CDH18: variants seen among roughly 807,000 people sequenced by gnomAD.
CDH18 encodes the protein cadherin-18.
In CDH18, 31 loss-of-function variants were observed where a neutral mutation model predicts 67.9. The observed-to-expected ratio is 0.46, with a 90% CI of 0.34 to 0.62. The LOEUF (loss-of-function observed/expected upper bound fraction) is 0.62, where lower values mean the gene tolerates loss of function less well. Among genes scored for constraint, CDH18 ranks in the 20% least tolerant of loss-of-function variants. The probability of loss-of-function intolerance (pLI) is 0.01; values close to 1 mark genes in which losing one functional copy is unlikely to be tolerated. For synonymous variants in CDH18, 362 were observed against 347.2 expected (o/e 1.04, Z -0.48); for missense variants, 890 against 975.5 (o/e 0.91, Z 1.17).
chr5:20,533,717 C>CT (rs1484912811), intron 1 of CDH18, among the ~76,000 whole-genome samples: 1 of 151,904 alleles, frequency 6.6e-6, no homozygotes, highest in Non-Finnish European at 1.5e-5. Context: ...ATTTATTATC[C>CT]TTTTTACATT....
Position 19,679,144 on chromosome 5 carries a change from A to G in CDH18, c.643+42203T>C, listed in dbSNP as rs558823756. On this transcript the variant is annotated intron_variant, in intron 5 of 12. Transcript: ENST00000382275. ...CTCTGGAATGCAAATTTGGTTCAAC[A>G]TATCAATACAAATCAATAAATGTGA... 7.2e-5 allele frequency among the ~76,000 whole-genome samples: 11 copies of G among 152,150 alleles called. No individual in the cohort carries two copies. In the South Asian group the frequency reaches 2.3e-3, roughly 32 times the overall value.
At chr5:20,039,009 A>C (rs1252675240) in intron 2 of CDH18, among the ~76,000 whole-genome samples, 2 of 152,200 alleles carry the variant, frequency 1.3e-5, no homozygotes, top group African/African-American at 4.8e-5. Context: ...CAGGGTACAA[A>C]ATCAATGTGT....
At chr5:19,722,104 A>G (rs1304817596) in intron 4 of CDH18, among the ~76,000 whole-genome samples, 2 of 152,028 alleles carry the variant, frequency 1.3e-5, no homozygotes, top group Non-Finnish European at 2.9e-5. Context: ...TTCAGCCTGG[A>G]GTGCAGTGGT....
chr5:20,022,450 G>A (rs1738513626), intron 2 of CDH18, among the ~76,000 whole-genome samples: 1 of 152,128 alleles, frequency 6.6e-6, no homozygotes, highest in African/African-American at 2.4e-5. Context: ...CAGGATCTCT[G>A]AAAAATAACT....
intron 5 of CDH18, among the ~76,000 whole-genome samples, chr5:19,650,317 T>C (rs559716379): frequency 9.2e-5 from 14 of 152,066 alleles, no homozygotes; most frequent in Middle Eastern, 3.4e-3. Flanking sequence ...ACAGATACAA[T>C]AGACAGATAA....
At chr5:19,485,261 T>C (rs1187738253) in intron 11 of CDH18, among the ~76,000 whole-genome samples, 4 of 149,550 alleles carry the variant, frequency 2.7e-5, no homozygotes, top group African/African-American at 9.8e-5. Context: ...GTCTATTCTT[T>C]TTTTTTTTTT....
intron 2 of CDH18, among the ~76,000 whole-genome samples, chr5:19,977,948 G>C (rs1798661146): frequency 6.6e-6 from 1 of 152,042 alleles, no homozygotes; most frequent in Admixed American, 6.6e-5. Context: ...TTGAGCTATA[G>C]AATATTCTAC....
rs190828310 is a variant in CDH18, at chr5:20,108,480, G to A, written c.-517-116466C>T. Among the ~76,000 whole-genome samples the A allele has an allele frequency of 4.6e-5, 7 of 152,134 alleles. No individual in the cohort carries two copies. In the East Asian group the frequency reaches 1.4e-3, roughly 29 times the overall value. On this transcript the variant is annotated intron_variant, in intron 2 of 14. Coordinates refer to the CDH18 transcript ENST00000507958. ...TCCGATGTGTGAATTTCAGGTAGACGCAATTTAGCCCATGACATCCACCTT... is the reference window on the plus strand; with the variant it reads ...TCCGATGTGTGAATTTCAGGTAGACACAATTTAGCCCATGACATCCACCTT...
chr5:20,069,526 C>A (rs1383216909), intron 2 of CDH18, among the ~76,000 whole-genome samples: 1 of 151,974 alleles, frequency 6.6e-6, no homozygotes, highest in Non-Finnish European at 1.5e-5. Flanking sequence ...GAGTCTCCTG[C>A]CTCAGCCTCC....
At position 19,666,919 on chromosome 5, in the gene CDH18, G is replaced by A. The variant is rs966554363; in HGVS notation, c.644-54318C>T. On this transcript the variant is annotated intron_variant, in intron 5 of 12. Coordinates refer to ENST00000382275, the MANE Select transcript of CDH18 (RefSeq NM_004934.5). ...ATAATGGAGAAAAGATATATAAAGA[G>A]GACAAATGTATCAAAGGAAAAATTA... 2.6e-5 allele frequency among the ~76,000 whole-genome samples: 4 copies of A among 151,884 alleles called. No homozygotes were observed. The South Asian group carries it at 6.2e-4, about 24-fold the overall frequency.
chr5:20,494,189 A>C (rs2126403283), intron 1 of CDH18, among the ~76,000 whole-genome samples: 1 of 152,290 alleles, frequency 6.6e-6, no homozygotes, highest in South Asian at 2.1e-4. Context: ...ATAGACAAAT[A>C]CTCTAAATAG....
At chr5:20,139,227 A>G (rs1186017058) in intron 2 of CDH18, among the ~76,000 whole-genome samples, 1 of 152,208 alleles carries the variant, frequency 6.6e-6, no homozygotes, top group African/African-American at 2.4e-5. Context: ...AGGATTCCCT[A>G]TGTAATAAAT....
upstream of CDH18, among the ~76,000 whole-genome samples, chr5:19,989,560 T>C (rs1310149096): frequency 6.6e-6 from 1 of 152,214 alleles, no homozygotes; most frequent in Non-Finnish European, 1.5e-5. Context: ...TCTGTATCCT[T>C]GTACAAACTT....
intron 2 of CDH18, among the ~76,000 whole-genome samples, chr5:19,881,823 T>C (rs1787687902): frequency 6.6e-6 from 1 of 152,100 alleles, no homozygotes; most frequent in African/African-American, 2.4e-5. Context: ...CCTTTTGAAT[T>C]ACCTTTATTA....
intron 1 of CDH18, among the ~76,000 whole-genome samples, chr5:20,540,471 T>C (rs1018370387): frequency 6.6e-6 from 1 of 152,178 alleles, no homozygotes; most frequent in Non-Finnish European, 1.5e-5. Context: ...AAGACATATA[T>C]ATGTATGTCT....
At chr5:19,680,707 C>A (rs1430727780) in intron 5 of CDH18, among the ~76,000 whole-genome samples, 3 of 151,790 alleles carry the variant, frequency 2.0e-5, no homozygotes, top group Non-Finnish European at 4.4e-5. Flanking sequence ...AAATCAAAAC[C>A]ATAATGAGGC....
rs185821377 is a variant in CDH18 at position 19,771,014 on chromosome 5, T to C, written c.229-23778A>G. Among the ~76,000 whole-genome samples, 321 of 152,290 alleles carry C rather than the reference T, an allele frequency of 2.1e-3. 4 individuals carry two copies. Among genetic ancestry groups the C allele is most frequent in the Non-Finnish European group, 3.3e-3 (223 of 68,020 alleles). On this transcript the variant is annotated intron_variant, in intron 3 of 12. Transcript: ENST00000382275. ...GACACATCAACACCTGGGCTTGAAA[T>C]AGATCATGAGATTCTGGACTTTGAG... is the stretch of plus-strand genomic sequence containing the variant.
intron 1 of CDH18, among the ~76,000 whole-genome samples, chr5:20,326,517 T>C (rs1219062246): frequency 6.6e-6 from 1 of 151,414 alleles, no homozygotes; most frequent in South Asian, 2.1e-4. Flanking sequence ...ATGGAATTTT[T>C]AAAATATTAA....
intron 5 of CDH18, among the ~76,000 whole-genome samples, chr5:19,706,727 A>AT (rs1230603453): frequency 2.0e-5 from 3 of 152,162 alleles, no homozygotes; most frequent in African/African-American, 7.2e-5. Context: ...TTCCAGCTAC[A>AT]TTTTTATCTA....
Sources: gnomAD v4.1 joint callset for allele counts (sites outside exome capture counted in the v4.1 genomes callset) on GRCh38, gnomAD v4.1.1 for gene constraint, MANE v1.5 for transcripts, NCBI Gene and HGNC (gene_info 2026-07-23, HGNC 2026-07-21) for gene names.